The following RBFOX1 variants were observed in gnomAD, a reference collection of about 807,000 sequenced individuals.
RBFOX1 encodes the protein RNA binding protein fox-1 homolog 1.
A neutral mutation model predicts 57.7 loss-of-function variants in RBFOX1; 8 were observed. The observed-to-expected ratio is 0.14, with a 90% CI of 0.08 to 0.25. RBFOX1 has a LOEUF of 0.25. Ranked by LOEUF, RBFOX1 falls within the 10% of genes least tolerant of loss-of-function variation. RBFOX1 has a pLI of 1.00. For missense variants in RBFOX1, 611 were observed against 548.5 expected (o/e 1.11, Z -1.14); for synonymous variants, 326 against 222.4 (o/e 1.47, Z -4.15).
chr16:6,180,943 G>C lies in RBFOX1; in HGVS notation c.-126-136052G>C, dbSNP rs574713472. On this transcript the variant is annotated intron_variant, in intron 1 of 15. Coordinates refer to ENST00000550418, the MANE Select transcript of RBFOX1 (RefSeq NM_018723.4). ...TAAAGACCAGCCAAAAATCAGCTAA[G>C]ATTGTGTTCAGACACCTTGAGCACT... 2.0e-5 allele frequency among the ~76,000 whole-genome samples: 3 copies of C among 152,278 alleles called. No individual in the cohort carries two copies. The East Asian group carries it at 5.8e-4, about 29-fold the overall frequency.
chr16:6,365,054 C>T (rs762463684), intron 2 of RBFOX1, among the ~76,000 whole-genome samples: 10 of 151,804 alleles, frequency 6.6e-5, no homozygotes, highest in Non-Finnish European at 1.5e-4. Context: ...GGCAAAGGCA[C>T]AGTCATCAAA....
At position 7,129,449 on chromosome 16, in the gene RBFOX1, A is replaced by C. The variant is rs546845969; in HGVS notation, c.27+77351A>C. Among the ~76,000 whole-genome samples, 6 of 152,264 alleles carry C rather than the reference A, an allele frequency of 3.9e-5. No individual in the cohort carries two copies. In the South Asian group the frequency reaches 1.2e-3, roughly 32 times the overall value. On this transcript the variant is annotated intron_variant, in intron 4 of 15. Coordinates refer to ENST00000550418, the MANE Select transcript of RBFOX1 (RefSeq NM_018723.4). ...AGAAGTAATGGATAGAGATCAGGTG[A>C]CAAAATAATATCCCCCACTGATAGG...
At chr16:6,733,269 G>T (rs17670003) in intron 3 of RBFOX1, among the ~76,000 whole-genome samples, 21,679 of 152,078 alleles carry the variant, frequency 0.14, 1,836 homozygotes, top group Non-Finnish European at 0.17. Context: ...CCTTCAGTGT[G>T]ATAGAAACAA....
chr16:5,247,900 G>C (rs2062342826), intron 1 of RBFOX1, among the ~76,000 whole-genome samples: 1 of 152,208 alleles, frequency 6.6e-6, no homozygotes, highest in East Asian at 1.9e-4. Flanking sequence ...AATTCTGCAG[G>C]TCTTTGGTAT....
intron 3 of RBFOX1, among the ~76,000 whole-genome samples, chr16:6,863,036 A>T (rs1159549864): frequency 6.6e-6 from 1 of 151,892 alleles, no homozygotes; most frequent in Non-Finnish European, 1.5e-5. Context: ...GAATTTGCAG[A>T]GTCCTTCTAA....
chr16:5,368,180 G>A (rs986389504), intron 1 of RBFOX1, among the ~76,000 whole-genome samples: 3 of 152,304 alleles, frequency 2.0e-5, no homozygotes, highest in South Asian at 2.1e-4. Context: ...TGATGTCAAC[G>A]CATAATATTT....
chr16:6,841,739 C>T (rs1233694696), intron 3 of RBFOX1, among the ~76,000 whole-genome samples: 2 of 152,092 alleles, frequency 1.3e-5, no homozygotes, highest in African/African-American at 4.8e-5. Context: ...GATGTGGTCC[C>T]ACCTCTACTT....
intron 2 of RBFOX1, among the ~76,000 whole-genome samples, chr16:6,652,328 G>C (rs960125863): frequency 3.3e-5 from 5 of 152,066 alleles, no homozygotes; most frequent in African/African-American, 9.7e-5. Flanking sequence ...CATGTCGGTA[G>C]TCCCAGCTAC....
At chr16:7,470,358 C>G (rs1243822137) in intron 4 of RBFOX1, among the ~76,000 whole-genome samples, 1 of 152,074 alleles carries the variant, frequency 6.6e-6, no homozygotes, top group Non-Finnish European at 1.5e-5. Context: ...ACATGCTCAG[C>G]AAATATTTGA....
intron 2 of RBFOX1, among the ~76,000 whole-genome samples, chr16:5,489,296 G>GA (rs2042748273): frequency 6.6e-6 from 1 of 152,234 alleles, no homozygotes; most frequent in African/African-American, 2.4e-5. Context: ...GGTGAATTGA[G>GA]AATTATTAGC....
At chr16:5,740,662 T>C (rs1257166572) in intron 3 of RBFOX1, among the ~76,000 whole-genome samples, 1 of 152,166 alleles carries the variant, frequency 6.6e-6, no homozygotes, top group Non-Finnish European at 1.5e-5. Context: ...GCTCTGTTGT[T>C]TTTCTTGGTC....
intron 4 of RBFOX1, among the ~76,000 whole-genome samples, chr16:5,899,299 C>A (rs1338988177): frequency 6.6e-6 from 1 of 151,828 alleles, no homozygotes; most frequent in East Asian, 1.9e-4. Context: ...TACAAACAGA[C>A]ACAAACATGA....
intron 1 of RBFOX1, among the ~76,000 whole-genome samples, chr16:5,456,571 A>C (rs1004097323): frequency 6.6e-6 from 1 of 152,188 alleles, no homozygotes; most frequent in East Asian, 1.9e-4. Flanking sequence ...AAAGACCTAC[A>C]CATCATCCTT....
At chr16:7,398,760 C>T (rs902724558) in intron 4 of RBFOX1, among the ~76,000 whole-genome samples, 2 of 152,162 alleles carry the variant, frequency 1.3e-5, no homozygotes, top group African/African-American at 4.8e-5. Context: ...CCAGCTCTAG[C>T]CCCATGTGGC....
At chr16:7,518,011 C>G in intron 4 of RBFOX1, 136 bp from the exon 5 acceptor site, 1 of 1,014,788 alleles carries the variant, frequency 9.9e-7, no homozygotes, top group Non-Finnish European at 1.4e-6. Flanking sequence ...GAGATTGGTC[C>G]ATCTCAGGCT....
At chr16:5,470,087 C>G (rs1043059041) in intron 2 of RBFOX1, among the ~76,000 whole-genome samples, 26 of 152,216 alleles carry the variant, frequency 1.7e-4, no homozygotes, top group African/African-American at 5.8e-4. Context: ...CTGTCACCAT[C>G]TTTTAACAAA....
At chr16:6,419,703 T>C (rs1474686065) in intron 2 of RBFOX1, among the ~76,000 whole-genome samples, 1 of 152,148 alleles carries the variant, frequency 6.6e-6, no homozygotes, top group Non-Finnish European at 1.5e-5. Flanking sequence ...CCGTTCTTCA[T>C]AGACTATATG....
chr16:5,531,708 C>T (rs972354350), intron 2 of RBFOX1, among the ~76,000 whole-genome samples: 1 of 151,860 alleles, frequency 6.6e-6, no homozygotes, highest in Middle Eastern at 3.2e-3. Context: ...GTGCCTGGCA[C>T]ATAGCAAGAG....
At position 6,830,834 on chromosome 16, in the gene RBFOX1, A is replaced by G. The variant is rs977790068; in HGVS notation, c.-16+176184A>G. 1.2e-4 allele frequency among the ~76,000 whole-genome samples: 19 copies of G among 152,166 alleles called. 1 individual carries two copies. The highest frequency in any genetic ancestry group is 4.3e-4 in the African/African-American group (18 of 41,436). ...AGATAAAATCGGTGTTGACTTTACAATATCTGAATCACTCATAAAATTATT... is the reference window on the plus strand; with the variant it reads ...AGATAAAATCGGTGTTGACTTTACAGTATCTGAATCACTCATAAAATTATT... On this transcript the variant is annotated intron_variant, in intron 3 of 15. Transcript: ENST00000550418.
Sources: allele counts gnomAD v4.1 joint callset (sites outside exome capture counted in the v4.1 genomes callset), GRCh38; gene constraint gnomAD v4.1.1; transcripts MANE v1.5; gene names NCBI Gene and HGNC (gene_info 2026-07-23, HGNC 2026-07-21).